Variants in SNTG1 observed in about 807,000 individuals in gnomAD.
SNTG1 encodes the protein gamma-1-syntrophin.
In SNTG1, 39 loss-of-function variants were observed where a neutral mutation model predicts 74.7. The observed-to-expected ratio is 0.52, with a 90% CI of 0.40 to 0.68. The LOEUF (loss-of-function observed/expected upper bound fraction) is 0.68, where lower values mean the gene tolerates loss of function less well. Among genes scored for constraint, SNTG1 ranks in the 30% least tolerant of loss-of-function variants. The pLI is 0.00. For missense variants in SNTG1, 685 were observed against 609.5 expected (o/e 1.12, Z -1.30); for synonymous variants, 254 against 217.1 (o/e 1.17, Z -1.49).
At chr8:50,479,708 T>TTCCTCCTCTTCAGCTGTCCCC (rs1300222887) in intron 8 of SNTG1, among the ~76,000 whole-genome samples, 1 of 152,064 alleles carries the variant, frequency 6.6e-6, no homozygotes, top group Non-Finnish European at 1.5e-5. Context: ...CCCCTGTGCC[T>TTCCTCCTCTTCAGCTGTCCCC]TCCTCCTCTT....
chr8:50,014,777 A>G (rs1054080529), intron 1 of SNTG1, among the ~76,000 whole-genome samples: 1 of 152,136 alleles, frequency 6.6e-6, no homozygotes. Context: ...TTAAAATAGT[A>G]AAAAGAACTT....
intron 8 of SNTG1, chr8:50,456,957 G>C (rs2093512211): frequency 6.6e-6 from 1 of 152,144 alleles, no homozygotes. Context: ...GTTGGAATGA[G>C]GAATGCGTGT....
intron 18 of SNTG1, among the ~76,000 whole-genome samples, chr8:50,772,773 C>G (rs1461417998): frequency 6.6e-6 from 1 of 151,994 alleles, no homozygotes; most frequent in Non-Finnish European, 1.5e-5. Flanking sequence ...GGGGTAGATT[C>G]CCCCATAAAT....
intron 2 of SNTG1, among the ~76,000 whole-genome samples, chr8:50,219,702 A>G (rs1331315688): frequency 1.3e-5 from 2 of 152,158 alleles, no homozygotes; most frequent in African/African-American, 4.8e-5. Flanking sequence ...CAGCAAGCAG[A>G]AAATCTGTCG....
chr8:49,974,800 C>T (rs541080346), intron 1 of SNTG1, among the ~76,000 whole-genome samples: 1 of 152,210 alleles, frequency 6.6e-6, no homozygotes, highest in African/African-American at 2.4e-5. Context: ...CAGAATGTAT[C>T]CTGCAAACTA....
intron 12 of SNTG1, among the ~76,000 whole-genome samples, chr8:50,557,189 A>C (rs2094460991): frequency 6.9e-6 from 1 of 144,406 alleles, no homozygotes. Flanking sequence ...GGGTGGTGGC[A>C]GGGGTAGAGG....
At chr8:49,936,819 C>A (rs987585766) in intron 1 of SNTG1, among the ~76,000 whole-genome samples, 2 of 152,104 alleles carry the variant, frequency 1.3e-5, no homozygotes, top group African/African-American at 2.4e-5. Context: ...TATTGAAATA[C>A]TTATTGATAC....
intron 18 of SNTG1, among the ~76,000 whole-genome samples, chr8:50,780,436 G>A (rs573359520): frequency 3.9e-4 from 60 of 152,296 alleles, no homozygotes; most frequent in South Asian, 2.9e-3. Context: ...TCTTGGTAGC[G>A]TGTATGTGTC....
At chr8:50,636,728 G>T (rs532722627) in intron 13 of SNTG1, among the ~76,000 whole-genome samples, 3 of 152,062 alleles carry the variant, frequency 2.0e-5, no homozygotes, top group Non-Finnish European at 4.4e-5. Context: ...GTTAAAATCA[G>T]GTACTGTGTT....
intron 1 of SNTG1, among the ~76,000 whole-genome samples, chr8:49,914,005 A>G (rs1805802784): frequency 6.6e-6 from 1 of 152,148 alleles, no homozygotes; most frequent in Non-Finnish European, 1.5e-5. Flanking sequence ...AGTCACAGAA[A>G]TATGTAACTC....
chr8:50,254,860 A>G (rs1056889666), intron 2 of SNTG1, among the ~76,000 whole-genome samples: 2 of 151,090 alleles, frequency 1.3e-5, no homozygotes, highest in Admixed American at 6.6e-5. Context: ...AAAGAAAAAA[A>G]AAAAAAAGAA....
At chr8:50,162,046 C>G (rs2082433967) in intron 1 of SNTG1, among the ~76,000 whole-genome samples, 2 of 152,184 alleles carry the variant, frequency 1.3e-5, no homozygotes, top group African/African-American at 4.8e-5. Flanking sequence ...AGAAGAAATG[C>G]TGTGTGATTT....
At chr8:49,946,069 T>C (rs575063744) in intron 1 of SNTG1, among the ~76,000 whole-genome samples, 2 of 152,306 alleles carry the variant, frequency 1.3e-5, no homozygotes, top group Non-Finnish European at 1.5e-5. Flanking sequence ...TTTTTGCCAA[T>C]GACCTCTCTA....
At chr8:50,263,063 A>C (rs908580370) in intron 2 of SNTG1, among the ~76,000 whole-genome samples, 2 of 152,172 alleles carry the variant, frequency 1.3e-5, no homozygotes, top group Admixed American at 1.3e-4. Flanking sequence ...ACTCTTGTCC[A>C]AATGTATGTA....
intron 15 of SNTG1, among the ~76,000 whole-genome samples, chr8:50,701,672 C>CCTT (rs149824566): frequency 0.079 from 11,400 of 144,150 alleles, 1,461 homozygotes; most frequent in African/African-American, 0.26. Context: ...TCTTCTTCTT[C>CCTT]CTTCTTCTTC....
intron 2 of SNTG1, among the ~76,000 whole-genome samples, chr8:50,220,457 A>G (rs111806549): frequency 2.2e-4 from 33 of 152,320 alleles, no homozygotes; most frequent in African/African-American, 7.2e-4. Context: ...AGGACCAAAC[A>G]GAAAGGAATA....
chr8:50,459,621 C>G (rs768384580), intron 8 of SNTG1, among the ~76,000 whole-genome samples: 1 of 152,046 alleles, frequency 6.6e-6, no homozygotes, highest in Non-Finnish European at 1.5e-5. Flanking sequence ...AAAGACCCGT[C>G]GCTCAGGTAG....
At chr8:50,027,810 A>G (rs1044212761) in intron 1 of SNTG1, among the ~76,000 whole-genome samples, 5 of 152,204 alleles carry the variant, frequency 3.3e-5, no homozygotes, top group Non-Finnish European at 5.9e-5. Context: ...AGACTATATA[A>G]GAAGTACATT....
chr8:49,916,176 A>AT (rs55714316), intron 1 of SNTG1, among the ~76,000 whole-genome samples: 124,103 of 147,880 alleles, frequency 0.84, 53,193 homozygotes, highest in Non-Finnish European at 0.94. Flanking sequence ...TATAATTCAG[A>AT]TTTTTTTTTG....
Sources: allele counts gnomAD v4.1 joint callset (sites outside exome capture counted in the v4.1 genomes callset), GRCh38; gene constraint gnomAD v4.1.1; transcripts MANE v1.5; gene names NCBI Gene and HGNC (gene_info 2026-07-23, HGNC 2026-07-21).